SLC35A5: variants seen among roughly 807,000 people sequenced by gnomAD.
The protein encoded by SLC35A5 is solute carrier family 35 member A5, also known as UDP-sugar transporter protein SLC35A5.
A neutral mutation model predicts 36.3 loss-of-function variants in SLC35A5; 28 were observed. The observed-to-expected ratio is 0.77, with a 90% CI of 0.57 to 1.06. The LOEUF is 1.06. SLC35A5 is among the 50% of genes least tolerant of loss of function. The pLI, the probability that SLC35A5 is intolerant of heterozygous loss-of-function variation, is 0.00. For missense variants in SLC35A5, 521 were observed against 499.3 expected, an observed-to-expected ratio of 1.04 and a Z score of -0.41; for synonymous variants, 180 against 173.7, an observed-to-expected ratio of 1.04 and a Z score of -0.29.
rs957557829 is a variant in SLC35A5 at position 112,583,408 on chromosome 3, C to G, written c.*672C>G. On this transcript the variant is annotated 3_prime_UTR_variant, in exon 7 of 7. Transcript: ENST00000492406. ...TCTTTTGATGTTTTAAACATTGGTT[C>G]CCTAGTCACCATAGTTACCACTTGT... 4 of 317,886 alleles carry G rather than the reference C, an allele frequency of 1.3e-5. No homozygotes were observed. The highest frequency in any genetic ancestry group is 2.1e-5 in the African/African-American group (1 of 47,042). 19.7% of individuals were successfully genotyped at this position (317,886 alleles called of 1,614,324 possible).
At chr3:112,561,845 C>T, upstream of SLC35A5, 1 of 366,572 alleles carries the variant, frequency 2.7e-6, no homozygotes, top group Non-Finnish European at 5.0e-6. Flanking sequence ...CGCACACGCA[C>T]CCCTCGCCCT....
chr3:112,572,143 C>A (rs1934475143), intron 4 of SLC35A5, among the ~76,000 whole-genome samples: 2 of 149,868 alleles, frequency 1.3e-5, no homozygotes, highest in African/African-American at 2.5e-5. Flanking sequence ...GGGGTTTCAC[C>A]TTGTTAGCCA....
chr3:112,576,085 C>T lies in SLC35A5; in HGVS notation c.428+2129C>T, dbSNP rs192859841. Among the ~76,000 whole-genome samples, 16 of 150,292 alleles carry T rather than the reference C, an allele frequency of 1.1e-4. No homozygotes were observed. In the East Asian group the frequency reaches 3.2e-3, roughly 30 times the overall value. On this transcript the variant is annotated intron_variant, in intron 5 of 6. Coordinates refer to ENST00000492406, the MANE Select transcript of SLC35A5 (RefSeq NM_017945.5). ...TTATTACATTTTTTAACTCTTTTTT[C>T]TAATTGTGAAAAAAAGAAAAAAAAT...
intron 5 of SLC35A5, among the ~76,000 whole-genome samples, chr3:112,574,586 C>T (rs1934589379): frequency 6.6e-6 from 1 of 152,126 alleles, no homozygotes; most frequent in Admixed American, 6.5e-5. Flanking sequence ...GAAGATGATA[C>T]AGGATCTGGA....
Position 112,581,336 on chromosome 3 carries a change from TGAGG to T in SLC35A5, c.1209+12_1209+15del. 6.4e-7 allele frequency: 1 copy of T among 1,572,606 alleles called. No homozygotes were observed. The highest frequency in any genetic ancestry group is 8.6e-7 in the Non-Finnish European group (1 of 1,164,300). Reference sequence around the variant, plus strand: ...GGAGCGTTCCAGTGGGGTAAGTTTGTGAGGGTGTTCCTTTTTGCTTGTTCTTCCC... The same window carrying T: ...GGAGCGTTCCAGTGGGGTAAGTTTGTGTGTTCCTTTTTGCTTGTTCTTCCC... On this transcript the variant is annotated intron_variant, in intron 6 of 6. Transcript: ENST00000492406.
At position 112,585,248 on chromosome 3, in the gene SLC35A5, A is replaced by G. The variant is rs1437969858; in HGVS notation, c.*2512A>G. The G allele has an allele frequency of 6.6e-6, 1 of 152,176 alleles. No homozygotes were observed. The highest frequency in any genetic ancestry group is 1.5e-5 in the Non-Finnish European group (1 of 68,032). 9.4% of individuals were successfully genotyped at this position (152,176 alleles called of 1,614,324 possible). A position where few individuals can be genotyped will look rare whatever the true frequency, so the allele number is the denominator to read the frequency against. ...AATGGCAGATGCTTATAAAACCATCAGATCTCATGAGAACTTACTATCATG... is the reference window on the plus strand; with the variant it reads ...AATGGCAGATGCTTATAAAACCATCGGATCTCATGAGAACTTACTATCATG... On this transcript the variant is annotated 3_prime_UTR_variant, in exon 7 of 7. Transcript: ENST00000492406.
rs1021726439 is a variant in SLC35A5 at position 112,585,103 on chromosome 3, G to A, written c.*2367G>A. 1 of 150,836 alleles carries A rather than the reference G, an allele frequency of 6.6e-6. No homozygotes were observed. Among genetic ancestry groups the A allele is most frequent in the African/African-American group, 2.5e-5 (1 of 40,198 alleles). The allele number at this position is 150,836 out of a possible 1,614,324, so 9.3% of individuals were successfully genotyped here. ...ATCTATAAAGAAAAGGGGTTTAAATGACTCGCAGTTCTGCATGGCTGGGGA... is the reference window on the plus strand; with the variant it reads ...ATCTATAAAGAAAAGGGGTTTAAATAACTCGCAGTTCTGCATGGCTGGGGA... On this transcript the variant is annotated 3_prime_UTR_variant, in exon 7 of 7. Coordinates refer to ENST00000492406, the MANE Select transcript of SLC35A5 (RefSeq NM_017945.5).
In SLC35A5 at chr3:112,573,929, CA is replaced by C. The variant is rs1559860413; in HGVS notation, c.402del (p.Ala135LeufsTer6). 1 of 1,613,494 alleles carries C rather than the reference CA, an allele frequency of 6.2e-7. No homozygotes were observed. Among genetic ancestry groups the C allele is most frequent in the South Asian group, 1.1e-5 (1 of 91,074 alleles). On this transcript the variant is annotated frameshift_variant, in exon 5 of 7. Transcript: ENST00000492406. LOFTEE classifies it high-confidence loss of function. ...VIFSNFSIIT[T>X]ALLFRIVLKR... is the part of the protein sequence containing the mutation. ...TTCTCAAATTTTAGCATTATAACAA[CA>C]GCTCTTCTATTCAGGATAGTGCTGA...
intron 4 of SLC35A5, among the ~76,000 whole-genome samples, chr3:112,572,170 C>G (rs1484251820): frequency 6.0e-5 from 9 of 150,728 alleles, no homozygotes; most frequent in Admixed American, 5.3e-4. Context: ...TCTCGATCTC[C>G]TGACCTCATG....
At chr3:112,573,168 G>A (rs1183528510) in intron 4 of SLC35A5, among the ~76,000 whole-genome samples, 1 of 152,026 alleles carries the variant, frequency 6.6e-6, no homozygotes, top group Non-Finnish European at 1.5e-5. Context: ...AGGAAGGCAG[G>A]GTGAAGTACA....
At chr3:112,566,651 A>G (rs559150743) in intron 2 of SLC35A5, among the ~76,000 whole-genome samples, 58 of 152,386 alleles carry the variant, frequency 3.8e-4, no homozygotes, top group Non-Finnish European at 7.2e-4. Context: ...GAATGGCAAC[A>G]TCATGATAAG....
At chr3:112,564,420 C>G (rs1019164019) in intron 2 of SLC35A5, 1 of 152,188 alleles carries the variant, frequency 6.6e-6, no homozygotes, top group African/African-American at 2.4e-5. Flanking sequence ...CATTTCAATG[C>G]CTTAAAGAGC....
chr3:112,575,655 A>G (rs897771834), intron 5 of SLC35A5, among the ~76,000 whole-genome samples: 3 of 151,684 alleles, frequency 2.0e-5, no homozygotes, highest in Non-Finnish European at 4.4e-5. Context: ...TTAGACATAT[A>G]TTTGCTTTGT....
At chr3:112,571,931 T>G (rs1934459024) in intron 4 of SLC35A5, among the ~76,000 whole-genome samples, 1 of 121,230 alleles carries the variant, frequency 8.2e-6, no homozygotes, top group East Asian at 2.3e-4. Context: ...CAGTTTTTTT[T>G]TTTTTTTTTT....
At chr3:112,566,274 A>C (rs774168846) in intron 2 of SLC35A5, among the ~76,000 whole-genome samples, 3 of 152,182 alleles carry the variant, frequency 2.0e-5, no homozygotes, top group Non-Finnish European at 4.4e-5. Context: ...TTGTAGTTGA[A>C]GAGGTCAGGA....
chr3:112,569,508 A>G (rs1222489123), intron 3 of SLC35A5, among the ~76,000 whole-genome samples: 1 of 152,224 alleles, frequency 6.6e-6, no homozygotes, highest in Non-Finnish European at 1.5e-5. Context: ...TGCCCTTCCT[A>G]TTACTCTATC....
At chr3:112,564,843 A>T (rs1009355987) in intron 2 of SLC35A5, among the ~76,000 whole-genome samples, 1 of 152,232 alleles carries the variant, frequency 6.6e-6, no homozygotes, top group Non-Finnish European at 1.5e-5. Flanking sequence ...TTAACAAAGC[A>T]CATCTTGCAC....
chr3:112,562,493 A>G (rs1193415124), intron 1 of SLC35A5, among the ~76,000 whole-genome samples: 1 of 152,162 alleles, frequency 6.6e-6, no homozygotes, highest in Admixed American at 6.5e-5. Flanking sequence ...CGCTATTCCT[A>G]CAGTACGCTG....
In SLC35A5 at chr3:112,563,487, T is replaced by C. The variant is rs748181386; in HGVS notation, c.84T>C (p.Ala28=). The change falls in exon 2 of 7, where the codon GCT becomes GCC. Residue 28 remains alanine, a synonymous_variant. Coordinates refer to ENST00000492406, the MANE Select transcript of SLC35A5 (RefSeq NM_017945.5). ...TCCTGCTAGGTGCCATATTCATTGC[T>C]TTAAGCTCAAGTCGCATCTTACTAG... The part of the protein sequence containing the change: ...YTFLLGAIFI[A]LSSSRILLVK... The C allele has an allele frequency of 4.4e-6, 7 of 1,608,224 alleles. No individual in the cohort carries two copies. In the Admixed American group the frequency reaches 1.2e-4, roughly 27 times the overall value.
Sources: gnomAD v4.1 joint callset for allele counts (sites outside exome capture counted in the v4.1 genomes callset) on GRCh38, gnomAD v4.1.1 for gene constraint, MANE v1.5 for transcripts, NCBI Gene and HGNC (gene_info 2026-07-23, HGNC 2026-07-21) for gene names.